CSTF3: variants seen among roughly 807,000 people sequenced by gnomAD.
CSTF3 encodes cleavage stimulation factor subunit 3, also known as CF-1 77 kDa subunit.
CSTF3 carries 29 observed loss-of-function variants against 105.8 expected under a neutral mutation model. The observed-to-expected ratio is 0.27, with a 90% confidence interval of 0.20 to 0.37. The LOEUF (loss-of-function observed/expected upper bound fraction) is 0.37, where lower values mean the gene tolerates loss of function less well. CSTF3 is among the 10% of genes least tolerant of loss of function. The pLI is 1.00. For synonymous variants in CSTF3, 252 were observed against 281.9 expected (o/e 0.89, Z 1.06); for missense variants, 357 against 879.3 (o/e 0.41, Z 7.51).
rs1855342954 is a variant in CSTF3 at position 33,107,941 on chromosome 11, T to C, written c.318A>G (p.Ser106=). ...GTTTACCCTTGGTTTCTCGGACATA[T>C]GAAAGATAACACTTCCATAAATCAA... ...LHIDLWKCYL[S]YVRETKGKLP... is the part of the protein sequence containing the mutation. Residue 106 remains serine, a synonymous_variant, in exon 5 of 21, where the codon TCA becomes TCG. Transcript: ENST00000323959. The C allele has an allele frequency of 6.2e-7, 1 of 1,611,456 alleles. No individual in the cohort carries two copies.
At position 33,099,632 on chromosome 11, in the gene CSTF3, T is replaced by C. The variant is rs771038877; in HGVS notation, c.912A>G (p.Ser304=). Residue 304 remains serine, a synonymous_variant, in exon 11 of 21, where the codon TCA becomes TCG. Transcript: ENST00000323959. The surrounding 1 kb of genome is among the most constrained non-coding windows in gnomAD (Gnocchi z 4.1). The stretch of plus-strand genomic sequence containing the variant: ...CTCCCTTTTCTGCGAGCAGTTTACT[T>C]GACTGCTCAAGATACTGGGCAGCTT... The part of the protein sequence containing the change: ...WYEAAQYLEQ[S]SKLLAEKGDM... The C allele has an allele frequency of 4.3e-6, 7 of 1,609,534 alleles. No individual in the cohort carries two copies. Among genetic ancestry groups the C allele is most frequent in the Non-Finnish European group, 5.9e-6 (7 of 1,178,152 alleles).
At chr11:33,156,988 C>T (rs1849874397) in intron 1 of CSTF3, among the ~76,000 whole-genome samples, 1 of 151,902 alleles carries the variant, frequency 6.6e-6, no homozygotes, top group Admixed American at 6.6e-5. Flanking sequence ...ATATTAAATG[C>T]CTTAAGAGTA....
At chr11:33,135,005 A>C (rs1216057173) in intron 3 of CSTF3, among the ~76,000 whole-genome samples, 1 of 152,202 alleles carries the variant, frequency 6.6e-6, no homozygotes, top group Non-Finnish European at 1.5e-5. Flanking sequence ...CACAGGGTAC[A>C]AGTTAGCTGC....
At chr11:33,157,866 TTTCTTA>T (rs1446772717) in intron 1 of CSTF3, among the ~76,000 whole-genome samples, 1 of 152,226 alleles carries the variant, frequency 6.6e-6, no homozygotes, top group African/African-American at 2.4e-5. Context: ...TTTTAATTTT[TTTCTTA>T]TTATTCTTTA....
At chr11:33,104,913 A>G (rs774030549) in intron 8 of CSTF3, among the ~76,000 whole-genome samples, 11 of 151,984 alleles carry the variant, frequency 7.2e-5, no homozygotes, top group Non-Finnish European at 1.3e-4. Context: ...CATACGAAAA[A>G]CTTTCTTTTT....
intron 19 of CSTF3, 35 bp from the exon 20 acceptor site, chr11:33,085,808 A>G: frequency 1.2e-6 from 2 of 1,603,374 alleles, no homozygotes. Context: ...AATCCCAGTA[A>G]TCTGACAAGT....
At chr11:33,112,030 G>A (rs748617410) in intron 3 of CSTF3, among the ~76,000 whole-genome samples, 18 of 152,316 alleles carry the variant, frequency 1.2e-4, no homozygotes, top group Admixed American at 6.5e-4. Context: ...AAGGCGGGCA[G>A]ATCACCTGAA....
chr11:33,140,078 C>T (rs539660729), intron 3 of CSTF3, among the ~76,000 whole-genome samples: 59 of 152,092 alleles, frequency 3.9e-4, no homozygotes, highest in Non-Finnish European at 4.0e-4. Flanking sequence ...TCAGAAAGTT[C>T]TACTTCACTA....
chr11:33,110,485 C>T (rs906052557), intron 3 of CSTF3, among the ~76,000 whole-genome samples: 3 of 152,162 alleles, frequency 2.0e-5, no homozygotes, highest in Non-Finnish European at 4.4e-5. Context: ...TCCTTGCATT[C>T]GGCTGCTTGG....
At chr11:33,105,831 T>C (rs748520625) in intron 7 of CSTF3, 52 bp downstream of exon 7, 3 of 1,520,126 alleles carry the variant, frequency 2.0e-6, no homozygotes, top group South Asian at 2.4e-5. Context: ...CTAAAAATTA[T>C]ATTTTAGCTA....
intron 15 of CSTF3, among the ~76,000 whole-genome samples, chr11:33,092,967 A>G (rs1338492338): frequency 6.6e-6 from 1 of 152,206 alleles, no homozygotes; most frequent in Non-Finnish European, 1.5e-5. Context: ...GCTAAACTCT[A>G]AGTTATCTTT....
chr11:33,142,923 G>A (rs371329263), intron 1 of CSTF3, among the ~76,000 whole-genome samples: 1 of 152,098 alleles, frequency 6.6e-6, no homozygotes, highest in Non-Finnish European at 1.5e-5. Flanking sequence ...GAGAGATTAG[G>A]AGTGAAAAAG....
chr11:33,158,808 C>G (rs1214974476), intron 1 of CSTF3, among the ~76,000 whole-genome samples: 2 of 152,112 alleles, frequency 1.3e-5, no homozygotes, highest in East Asian at 3.9e-4. Context: ...ATGACATCAT[C>G]AACCCCCAAA....
chr11:33,157,449 A>C (rs1268734247), intron 1 of CSTF3, among the ~76,000 whole-genome samples: 1 of 152,218 alleles, frequency 6.6e-6, no homozygotes, highest in Non-Finnish European at 1.5e-5. Context: ...TAGGGGGGTA[A>C]ACCTATATGC....
At chr11:33,119,576 T>C (rs1254569149) in intron 3 of CSTF3, among the ~76,000 whole-genome samples, 1 of 151,840 alleles carries the variant, frequency 6.6e-6, no homozygotes, top group African/African-American at 2.4e-5. Flanking sequence ...CTCTAGTTTT[T>C]ACCTATTAGT....
Position 33,096,895 on chromosome 11 carries a change from A to G in CSTF3, c.1212T>C (p.Asp404=), listed in dbSNP as rs766395105. The change falls in exon 14 of 21, where the codon GAT becomes GAC. Residue 404 remains aspartate (D), a synonymous_variant. Transcript: ENST00000323959. ...CATAGACATGGTGGCGGGTTCTGGT[A>G]TCTTCTCTTGCTTTTTTAAATATCA... is the stretch of plus-strand genomic sequence containing the variant. ...GRMIFKKARE[D]TRTRHHVYVT... 4 of 1,613,514 alleles carry G rather than the reference A, an allele frequency of 2.5e-6. No homozygotes were observed. The highest frequency in any genetic ancestry group is 3.4e-6 in the Non-Finnish European group (4 of 1,179,600).
rs1849943136 is a variant in CSTF3, at chr11:33,161,462, G to GC, written c.-138dup. The GC allele has an allele frequency of 1.2e-6, 1 of 829,498 alleles. No individual in the cohort carries two copies. Among genetic ancestry groups the GC allele is most frequent in the Non-Finnish European group, 1.9e-6 (1 of 513,226 alleles). 51.4% of individuals were successfully genotyped at this position (829,498 alleles called of 1,614,324 possible). A position where few individuals can be genotyped will look rare whatever the true frequency, so the allele number is the denominator to read the frequency against. On this transcript the variant is annotated 5_prime_UTR_variant, in exon 1 of 21. Transcript: ENST00000323959. ...CAGACCGCCAACACCAATCGCCACCGCCCACTCAAATATGAATTAAAATGG... is the reference window on the plus strand; with the variant it reads ...CAGACCGCCAACACCAATCGCCACCGCCCCACTCAAATATGAATTAAAATGG...
Position 33,086,000 on chromosome 11 carries a change from AAG to A in CSTF3, c.1796-13_1796-12del, listed in dbSNP as rs755665819. 18 of 1,461,172 alleles carry A rather than the reference AAG, an allele frequency of 1.2e-5. No homozygotes were observed. Among genetic ancestry groups the A allele is most frequent in the African/African-American group, 1.4e-5 (1 of 70,282 alleles). 90.5% of individuals were successfully genotyped at this position (1,461,172 alleles called of 1,614,324 possible). On this transcript the variant is annotated splice_polypyrimidine_tract_variant and intron_variant, in intron 18 of 20. Coordinates refer to ENST00000323959, the MANE Select transcript of CSTF3 (RefSeq NM_001326.3). ...GGTGTAAACCTGGAGCTGTGAGAAA[AAG>A]AAAAGTATGAATCAAGTGGAATGGA...
chr11:33,098,068 G>A (rs1273529903), intron 13 of CSTF3, among the ~76,000 whole-genome samples: 1 of 152,186 alleles, frequency 6.6e-6, no homozygotes, highest in Non-Finnish European at 1.5e-5. Context: ...AATTATAGCA[G>A]TGGAATCCCA....
Sources: allele counts gnomAD v4.1 joint callset (sites outside exome capture counted in the v4.1 genomes callset), GRCh38; gene constraint gnomAD v4.1.1; non-coding constraint Gnocchi (gnomAD v3.1); transcripts MANE v1.5; gene names NCBI Gene and HGNC (gene_info 2026-07-23, HGNC 2026-07-21).